RBFOX1: variants seen among roughly 807,000 people sequenced by gnomAD.
RBFOX1 encodes RNA binding protein fox-1 homolog 1.
In RBFOX1, 8 loss-of-function variants were observed where a neutral mutation model predicts 57.7. The observed-to-expected ratio is 0.14, with a 90% CI of 0.08 to 0.25. RBFOX1 has a LOEUF of 0.25. RBFOX1 is among the 10% of genes least tolerant of loss of function. The probability of loss-of-function intolerance (pLI) is 1.00; values close to 1 mark genes in which losing one functional copy is unlikely to be tolerated. For missense variants in RBFOX1, 611 were observed against 548.5 expected, an observed-to-expected ratio of 1.11 and a Z score of -1.14; for synonymous variants, 326 against 222.4, an observed-to-expected ratio of 1.47 and a Z score of -4.15.
At chr16:6,675,293 G>T (rs2057441060) in intron 3 of RBFOX1, among the ~76,000 whole-genome samples, 1 of 152,134 alleles carries the variant, frequency 6.6e-6, no homozygotes, top group African/African-American at 2.4e-5. Flanking sequence ...AAAATCGAGG[G>T]ATATCTGGCT....
chr16:6,739,417 A>C (rs78892474), intron 3 of RBFOX1, among the ~76,000 whole-genome samples: 2 of 152,054 alleles, frequency 1.3e-5, no homozygotes, highest in African/African-American at 2.4e-5. Context: ...CCCAATATGC[A>C]ATAGATAATT....
chr16:7,040,047 A>T (rs2045683515), intron 3 of RBFOX1, among the ~76,000 whole-genome samples: 1 of 151,564 alleles, frequency 6.6e-6, no homozygotes, highest in South Asian at 2.1e-4. Flanking sequence ...TTTGAGACAA[A>T]GTCTTGCTCT....
intron 14 of RBFOX1, among the ~76,000 whole-genome samples, chr16:7,677,527 G>A (rs1384968240): frequency 3.9e-5 from 6 of 152,108 alleles, no homozygotes; most frequent in Admixed American, 2.0e-4. Flanking sequence ...GGGGTGGGGT[G>A]GAAATCAGGG....
intron 2 of RBFOX1, among the ~76,000 whole-genome samples, chr16:6,468,258 G>A (rs1353744879): frequency 6.6e-6 from 1 of 152,080 alleles, no homozygotes; most frequent in Non-Finnish European, 1.5e-5. Flanking sequence ...TTACGTTTTT[G>A]ACTTTTTCAC....
At chr16:6,877,750 A>G (rs1239828033) in intron 3 of RBFOX1, among the ~76,000 whole-genome samples, 2 of 152,158 alleles carry the variant, frequency 1.3e-5, no homozygotes, top group Admixed American at 1.3e-4. Flanking sequence ...TTATTTCTGT[A>G]GGACTTTTAA....
chr16:6,007,804 G>T (rs2094936134), intron 4 of RBFOX1, among the ~76,000 whole-genome samples: 1 of 152,166 alleles, frequency 6.6e-6, no homozygotes, highest in African/African-American at 2.4e-5. Flanking sequence ...TTAGCCAAGA[G>T]GTGAGGGATG....
At chr16:5,470,359 C>A (rs1018881636) in intron 2 of RBFOX1, among the ~76,000 whole-genome samples, 3 of 152,184 alleles carry the variant, frequency 2.0e-5, no homozygotes, top group African/African-American at 7.2e-5. Flanking sequence ...TGGTATACCC[C>A]CTTTTCCCAC....
chr16:6,627,626 G>T (rs748808419), intron 2 of RBFOX1, among the ~76,000 whole-genome samples: 1 of 152,136 alleles, frequency 6.6e-6, no homozygotes, highest in Admixed American at 6.6e-5. Flanking sequence ...CTATACTTAA[G>T]AATATAAGAT....
intron 3 of RBFOX1, among the ~76,000 whole-genome samples, chr16:6,664,537 A>G (rs891659150): frequency 6.6e-6 from 1 of 152,164 alleles, no homozygotes; most frequent in African/African-American, 2.4e-5. Context: ...AGTAGATCTC[A>G]TTGTGTCCTT....
chr16:6,983,425 C>T (rs1202322356), intron 3 of RBFOX1, among the ~76,000 whole-genome samples: 7 of 148,282 alleles, frequency 4.7e-5, no homozygotes, highest in Non-Finnish European at 5.9e-5. Flanking sequence ...CTATTTGCTG[C>T]TTCTGGTCCG....
At chr16:6,959,417 C>G (rs947657545) in intron 3 of RBFOX1, among the ~76,000 whole-genome samples, 1 of 152,160 alleles carries the variant, frequency 6.6e-6, no homozygotes, top group African/African-American at 2.4e-5. Context: ...TTGTACTTCA[C>G]GCTTATCACA....
chr16:5,929,315 CCTCTCT>C (rs112397291), intron 4 of RBFOX1, among the ~76,000 whole-genome samples: 6 of 147,950 alleles, frequency 4.1e-5, no homozygotes, highest in South Asian at 2.1e-4. Context: ...CAGTCTTAAG[CCTCTCT>C]CTCTCTCTCT....
intron 3 of RBFOX1, among the ~76,000 whole-genome samples, chr16:6,694,132 A>G (rs2060668708): frequency 6.6e-6 from 1 of 152,178 alleles, no homozygotes; most frequent in East Asian, 1.9e-4. Context: ...CTTTTGTTTA[A>G]CCTCATCATG....
chr16:6,564,830 T>TA (rs1179461416), intron 2 of RBFOX1, among the ~76,000 whole-genome samples: 8 of 152,140 alleles, frequency 5.3e-5, no homozygotes, highest in Admixed American at 1.3e-4. Flanking sequence ...AGTCCTTATT[T>TA]AAAAATTTTT....
chr16:7,197,946 T>C (rs1424884999), intron 4 of RBFOX1, among the ~76,000 whole-genome samples: 3 of 151,368 alleles, frequency 2.0e-5, no homozygotes, highest in African/African-American at 7.3e-5. Context: ...TCATGTGTTT[T>C]CTCTTTTTTC....
intron 3 of RBFOX1, among the ~76,000 whole-genome samples, chr16:5,686,437 T>C (rs1259267589): frequency 6.6e-6 from 1 of 152,200 alleles, no homozygotes; most frequent in East Asian, 1.9e-4. Context: ...AGGTAGAATA[T>C]AGTCAGAGTC....
chr16:5,525,608 C>T (rs918201536), intron 2 of RBFOX1, among the ~76,000 whole-genome samples: 1 of 149,048 alleles, frequency 6.7e-6, no homozygotes, highest in African/African-American at 2.5e-5. Context: ...AGCAATTCTC[C>T]TGCCTCAGCC....
chr16:6,940,763 AGTGTGTGTGTGT>A (rs61349150), intron 3 of RBFOX1, among the ~76,000 whole-genome samples: 3,228 of 114,448 alleles, frequency 0.028, 101 homozygotes, highest in African/African-American at 0.082. Flanking sequence ...ATGTCCCGCT[AGTGTGTGTGTGT>A]GTGTGTGTGT....
chr16:6,156,322 C>A (rs1464164409), intron 1 of RBFOX1, among the ~76,000 whole-genome samples: 1 of 152,186 alleles, frequency 6.6e-6, no homozygotes, highest in Non-Finnish European at 1.5e-5. Context: ...GATTGGGAAG[C>A]CATTTGTTTC....
Sources: gnomAD v4.1 joint callset for allele counts (sites outside exome capture counted in the v4.1 genomes callset) on GRCh38, gnomAD v4.1.1 for gene constraint, MANE v1.5 for transcripts, NCBI Gene and HGNC (gene_info 2026-07-23, HGNC 2026-07-21) for gene names.